C12orf42: variants seen among roughly 807,000 people sequenced by gnomAD.
C12orf42 encodes chromosome 12 open reading frame 42.
A neutral mutation model predicts 21.6 loss-of-function variants in C12orf42; 25 were observed. The observed-to-expected ratio is 1.16, with a 90% CI of 0.84 to 1.62. C12orf42 has a LOEUF of 1.62. Ranked by LOEUF, C12orf42 falls within the 40% of genes most tolerant of loss-of-function variation. The probability of loss-of-function intolerance (pLI) is 0.00; values close to 1 mark genes in which losing one functional copy is unlikely to be tolerated. For synonymous variants in C12orf42, 174 were observed against 175.0 expected, an observed-to-expected ratio of 0.99 and a Z score of 0.05; for missense variants, 483 against 459.3, an observed-to-expected ratio of 1.05 and a Z score of -0.47.
intron 3 of C12orf42, among the ~76,000 whole-genome samples, chr12:103,377,038 T>C (rs976384299): frequency 6.6e-6 from 1 of 152,102 alleles, no homozygotes; most frequent in African/African-American, 2.4e-5. Context: ...TTCACACATT[T>C]AATTCCTGTC....
chr12:103,335,022 C>T (rs1024326552), intron 4 of C12orf42, among the ~76,000 whole-genome samples: 1 of 152,144 alleles, frequency 6.6e-6, no homozygotes, highest in Admixed American at 6.5e-5. Flanking sequence ...TAGGAATAAA[C>T]TGTATGTTTC....
upstream of C12orf42, among the ~76,000 whole-genome samples, chr12:103,498,677 A>C (rs1026047706): frequency 5.3e-5 from 8 of 152,210 alleles, no homozygotes; most frequent in African/African-American, 1.9e-4. Context: ...ACACCATGGA[A>C]TACTATGCAG....
the C12orf42 span, among the ~76,000 whole-genome samples, chr12:103,532,947 C>A: frequency 6.6e-6 from 1 of 152,172 alleles, no homozygotes; most frequent in East Asian, 1.9e-4. Context: ...ACGGAGACAA[C>A]GGGGAATTGT....
the C12orf42 span, chr12:103,168,035 T>G: frequency 2.2e-6 from 1 of 455,826 alleles, no homozygotes. Flanking sequence ...CATCTCTTTA[T>G]AGGTGAGGGA....
intron 4 of C12orf42, among the ~76,000 whole-genome samples, chr12:103,327,682 A>C (rs2040837271): frequency 1.3e-5 from 2 of 152,236 alleles, no homozygotes; most frequent in Non-Finnish European, 2.9e-5. Flanking sequence ...CCATACATAC[A>C]GGTAGGATGT....
chr12:103,323,516 A>T (rs577090776), intron 4 of C12orf42, among the ~76,000 whole-genome samples: 83 of 152,230 alleles, frequency 5.5e-4, no homozygotes, highest in Non-Finnish European at 1.0e-3. Flanking sequence ...GGAAAAATGA[A>T]ATTAGCAGAT....
the C12orf42 span, among the ~76,000 whole-genome samples, chr12:103,052,973 A>G: frequency 6.6e-6 from 1 of 151,946 alleles, no homozygotes; most frequent in African/African-American, 2.4e-5. Context: ...GAGAACATCT[A>G]TTTATAGACT....
intron 2 of C12orf42, among the ~76,000 whole-genome samples, chr12:103,404,920 G>A (rs759854360): frequency 4.6e-5 from 7 of 152,196 alleles, no homozygotes; most frequent in Admixed American, 6.5e-5. Context: ...AAGTGCACAC[G>A]CACGCATTTA....
At chr12:103,374,613 G>T (rs1031979104) in intron 3 of C12orf42, among the ~76,000 whole-genome samples, 10 of 152,004 alleles carry the variant, frequency 6.6e-5, no homozygotes, top group Admixed American at 1.3e-4. Context: ...TAGGTCAGGG[G>T]TGTCCAATCT....
the C12orf42 span, among the ~76,000 whole-genome samples, chr12:103,157,173 G>A: frequency 6.6e-6 from 1 of 152,212 alleles, no homozygotes; most frequent in South Asian, 2.1e-4. Context: ...CATTCTGACT[G>A]GCATGAGATG....
At chr12:103,225,271 G>T in the C12orf42 span, among the ~76,000 whole-genome samples, 1 of 152,190 alleles carries the variant, frequency 6.6e-6, no homozygotes, top group Non-Finnish European at 1.5e-5. Flanking sequence ...ATAAGGCGAA[G>T]ATCCTGAACT....
chr12:103,334,040 T>G (rs1055763765), intron 4 of C12orf42, among the ~76,000 whole-genome samples: 1 of 152,242 alleles, frequency 6.6e-6, no homozygotes, highest in Non-Finnish European at 1.5e-5. Context: ...TCTGTACTTT[T>G]ATGCATATGA....
the C12orf42 span, among the ~76,000 whole-genome samples, chr12:103,554,876 A>C: frequency 6.6e-6 from 1 of 152,164 alleles, no homozygotes; most frequent in African/African-American, 2.4e-5. Context: ...GGGAATTACA[A>C]TTTGACATGA....
At chr12:103,100,521 T>G in the C12orf42 span, among the ~76,000 whole-genome samples, 1 of 152,230 alleles carries the variant, frequency 6.6e-6, no homozygotes, top group Non-Finnish European at 1.5e-5. Context: ...TAATGAGCTC[T>G]GAATGCCCAT....
At chr12:103,221,065 A>C in the C12orf42 span, among the ~76,000 whole-genome samples, 1 of 152,338 alleles carries the variant, frequency 6.6e-6, no homozygotes, top group East Asian at 1.9e-4. Context: ...TAACATCTTC[A>C]GCAACAGCTG....
At chr12:103,075,412 C>A in the C12orf42 span, among the ~76,000 whole-genome samples, 891 of 152,254 alleles carry the variant, frequency 5.9e-3, 28 homozygotes, top group Admixed American at 0.043. Context: ...TAAGTACTTA[C>A]AAATAGTAGA....
At chr12:103,215,281 A>T in the C12orf42 span, among the ~76,000 whole-genome samples, 1 of 151,972 alleles carries the variant, frequency 6.6e-6, no homozygotes, top group Non-Finnish European at 1.5e-5. Context: ...TACCAATACT[A>T]ATGCAAATAT....
At chr12:103,063,223 T>C in the C12orf42 span, among the ~76,000 whole-genome samples, 1 of 152,182 alleles carries the variant, frequency 6.6e-6, no homozygotes, top group Non-Finnish European at 1.5e-5. Flanking sequence ...CAGAAGCAGA[T>C]ACAGAGCCTT....
chr12:103,275,812 G>A (rs1273028519), intron 5 of C12orf42, among the ~76,000 whole-genome samples: 1 of 150,290 alleles, frequency 6.7e-6, no homozygotes, highest in Non-Finnish European at 1.5e-5. Context: ...TTCATTGGCT[G>A]GGCACAGTGG....
Sources: gnomAD v4.1 joint callset for allele counts (sites outside exome capture counted in the v4.1 genomes callset) on GRCh38, gnomAD v4.1.1 for gene constraint, MANE v1.5 for transcripts, NCBI Gene and HGNC (gene_info 2026-07-23, HGNC 2026-07-21) for gene names.